The following SPOPL variants were observed in gnomAD, a reference collection of about 807,000 sequenced individuals.
SPOPL encodes the protein speckle-type POZ protein-like.
Under a neutral mutation model 53.8 loss-of-function variants are expected in SPOPL, and 23 were observed. That is an observed-to-expected ratio of 0.43 (90% CI 0.31 to 0.61). The LOEUF (loss-of-function observed/expected upper bound fraction) is 0.61. Ranked by LOEUF, SPOPL falls within the 20% of genes least tolerant of loss-of-function variation. SPOPL has a pLI of 0.12. For synonymous variants in SPOPL, 164 were observed against 149.7 expected, an observed-to-expected ratio of 1.10 and a Z score of -0.70; for missense variants, 442 against 466.9, an observed-to-expected ratio of 0.95 and a Z score of 0.49.
intron 1 of SPOPL, among the ~76,000 whole-genome samples, chr2:138,526,457 GAAATT>G (rs1368279327): frequency 5.3e-5 from 8 of 152,016 alleles, no homozygotes; most frequent in African/African-American, 1.9e-4. Context: ...GGATTTATTA[GAAATT>G]AAATTGTGTG....
At chr2:138,550,023 T>C (rs1685279421) in intron 1 of SPOPL, 134 bp from the exon 2 acceptor site, 2 of 494,834 alleles carry the variant, frequency 4.0e-6, no homozygotes, top group Non-Finnish European at 3.6e-6. Context: ...ATTAAATTTA[T>C]CTAAAATTCT....
chr2:138,551,950 C>T (rs951291705), intron 4 of SPOPL, among the ~76,000 whole-genome samples: 1 of 151,858 alleles, frequency 6.6e-6, no homozygotes. Context: ...CAAAAAGCAT[C>T]TTTTGGACTT....
At chr2:138,523,427 C>T (rs966672547) in intron 1 of SPOPL, among the ~76,000 whole-genome samples, 50 of 152,256 alleles carry the variant, frequency 3.3e-4, no homozygotes, top group Admixed American at 2.9e-3. Flanking sequence ...CATTCTGCCC[C>T]TGGCCCCTCT....
chr2:138,510,293 C>T (rs1184046470), intron 1 of SPOPL, among the ~76,000 whole-genome samples: 2 of 152,172 alleles, frequency 1.3e-5, no homozygotes, highest in African/African-American at 4.8e-5. Flanking sequence ...AGGAAACCAC[C>T]CAACTGTCTT....
At chr2:138,527,913 G>T (rs1181511236) in intron 1 of SPOPL, among the ~76,000 whole-genome samples, 2 of 152,192 alleles carry the variant, frequency 1.3e-5, no homozygotes, top group African/African-American at 4.8e-5. Context: ...CCCTGAAGTT[G>T]CATGCGTAAG....
chr2:138,549,851 A>G (rs1019724114), intron 1 of SPOPL, among the ~76,000 whole-genome samples: 6 of 152,130 alleles, frequency 3.9e-5, no homozygotes, highest in Non-Finnish European at 2.9e-5. Flanking sequence ...TTATGTTTCC[A>G]TGATATTTTG....
At chr2:138,514,547 T>G (rs1684398471) in intron 1 of SPOPL, among the ~76,000 whole-genome samples, 1 of 152,200 alleles carries the variant, frequency 6.6e-6, no homozygotes. Context: ...TCTCACTGCT[T>G]CATAATATTC....
chr2:138,519,262 C>G (rs1684507008), intron 1 of SPOPL, among the ~76,000 whole-genome samples: 1 of 152,116 alleles, frequency 6.6e-6, no homozygotes. Context: ...CTTATCCAGT[C>G]AGCATATCTT....
chr2:138,558,134 C>G (rs1281925766), intron 5 of SPOPL, among the ~76,000 whole-genome samples: 1 of 152,102 alleles, frequency 6.6e-6, no homozygotes, highest in Middle Eastern at 3.2e-3. Flanking sequence ...GCACTCTAGC[C>G]TAGGCAACAG....
intron 10 of SPOPL, among the ~76,000 whole-genome samples, chr2:138,567,953 C>T (rs1225884676): frequency 6.6e-6 from 1 of 152,072 alleles, no homozygotes; most frequent in Non-Finnish European, 1.5e-5. Flanking sequence ...AGTTCAATAT[C>T]AGAGTATAAA....
At chr2:138,542,131 T>G (rs62161735) in intron 1 of SPOPL, among the ~76,000 whole-genome samples, 8,899 of 152,322 alleles carry the variant, frequency 0.058, 380 homozygotes, top group Middle Eastern at 0.11. Flanking sequence ...CTTTTACATA[T>G]GCTGAAGAGT....
intron 1 of SPOPL, among the ~76,000 whole-genome samples, chr2:138,518,742 T>A (rs985562159): frequency 6.6e-6 from 1 of 152,222 alleles, no homozygotes; most frequent in Non-Finnish European, 1.5e-5. Flanking sequence ...CTACTAGAGA[T>A]AAGCAGTGTG....
chr2:138,563,562 T>C (rs564465497), intron 8 of SPOPL, among the ~76,000 whole-genome samples: 1 of 152,270 alleles, frequency 6.6e-6, no homozygotes, highest in South Asian at 2.1e-4. Context: ...TGCACATCAT[T>C]ATAATGGCTA....
chr2:138,559,473 A>T, intron 7 of SPOPL, 136 bp downstream of exon 7: 1 of 822,014 alleles, frequency 1.2e-6, no homozygotes, highest in Non-Finnish European at 1.9e-6. Context: ...CAGGAAAAAA[A>T]TGTGTTCTAT....
chr2:138,523,687 C>T (rs1176161418), intron 1 of SPOPL, among the ~76,000 whole-genome samples: 2 of 152,158 alleles, frequency 1.3e-5, no homozygotes, highest in Admixed American at 6.5e-5. Flanking sequence ...CTCCAGGCCC[C>T]CATGCAAATT....
In SPOPL at chr2:138,516,180, T is replaced by A. The variant is rs527679013; in HGVS notation, c.-61+14061T>A. On this transcript the variant is annotated intron_variant, in intron 1 of 10. Transcript: ENST00000280098. ...CAGATAGTGGGTGGTTAGATTGATA[T>A]GGAGTGGAGGGTTTACAGGATGGTT... 7.9e-4 allele frequency among the ~76,000 whole-genome samples: 121 copies of A among 152,300 alleles called. 4 individuals carry two copies. The South Asian group carries it at 0.023, about 29-fold the overall frequency.
chr2:138,530,663 A>G (rs1573882583), intron 1 of SPOPL, among the ~76,000 whole-genome samples: 2 of 152,350 alleles, frequency 1.3e-5, no homozygotes, highest in Middle Eastern at 3.4e-3. Context: ...ACATAAAAAT[A>G]TAATGGATTT....
chr2:138,529,283 CTT>C (rs1684748044), intron 1 of SPOPL, among the ~76,000 whole-genome samples: 2 of 151,990 alleles, frequency 1.3e-5, no homozygotes, highest in Non-Finnish European at 2.9e-5. Context: ...TAGTAGAGCT[CTT>C]TGCATAATTG....
intron 1 of SPOPL, among the ~76,000 whole-genome samples, chr2:138,549,359 GTATAT>G (rs1685264980): frequency 6.6e-6 from 1 of 152,036 alleles, no homozygotes; most frequent in African/African-American, 2.4e-5. Flanking sequence ...GCAGACTTCA[GTATAT>G]ATATTGTCAT....
Sources: gnomAD v4.1 joint callset for allele counts (sites outside exome capture counted in the v4.1 genomes callset) on GRCh38, gnomAD v4.1.1 for gene constraint, MANE v1.5 for transcripts, NCBI Gene and HGNC (gene_info 2026-07-23, HGNC 2026-07-21) for gene names.